USH2A: variants seen among roughly 807,000 people sequenced by gnomAD.
USH2A encodes Usher syndrome 2A (autosomal recessive, mild).
A neutral mutation model predicts 538.9 loss-of-function variants in USH2A; 443 were observed. That is an observed-to-expected ratio of 0.82 (90% CI 0.76 to 0.89). The LOEUF is 0.89. USH2A is among the 40% of genes least tolerant of loss of function. The probability of loss-of-function intolerance (pLI) is 0.00; values close to 1 mark genes in which losing one functional copy is unlikely to be tolerated. For synonymous variants in USH2A, 2,413 were observed against 2,273.5 expected, an observed-to-expected ratio of 1.06 and a Z score of -1.75; for missense variants, 6,633 against 6,324.8, an observed-to-expected ratio of 1.05 and a Z score of -1.65.
chr1:215,813,460 C>T (rs1235891758), intron 49 of USH2A, among the ~76,000 whole-genome samples: 1 of 152,074 alleles, frequency 6.6e-6, no homozygotes, highest in Non-Finnish European at 1.5e-5. Flanking sequence ...TAAAAAAAGC[C>T]ACAAGATAAA....
chr1:216,355,497 A>C (rs1035798106), intron 4 of USH2A, among the ~76,000 whole-genome samples: 1 of 152,210 alleles, frequency 6.6e-6, no homozygotes, highest in African/African-American at 2.4e-5. Context: ...AAGAAGTAAC[A>C]GTAATCAATG....
At chr1:215,677,707 T>G (rs550784789) in intron 62 of USH2A, among the ~76,000 whole-genome samples, 2 of 152,352 alleles carry the variant, frequency 1.3e-5, no homozygotes, top group Non-Finnish European at 2.9e-5. Context: ...TATCAGTCTT[T>G]GCTGGCTCTC....
At chr1:215,951,899 C>T (rs188364465) in intron 37 of USH2A, among the ~76,000 whole-genome samples, 2,899 of 148,048 alleles carry the variant, frequency 0.02, 54 homozygotes, top group South Asian at 0.057. Flanking sequence ...GCTCTGTCGC[C>T]CAGGCTGGAC....
chr1:216,319,803 G>A (rs988612141), intron 9 of USH2A, among the ~76,000 whole-genome samples: 6 of 152,146 alleles, frequency 3.9e-5, no homozygotes, highest in Non-Finnish European at 5.9e-5. Context: ...TTAGATCAGA[G>A]TAAGAATCAG....
At chr1:215,658,058 CG>C (rs1291211675) in intron 64 of USH2A, among the ~76,000 whole-genome samples, 1 of 151,486 alleles carries the variant, frequency 6.6e-6, no homozygotes, top group Non-Finnish European at 1.5e-5. Context: ...CTCAGCCTCC[CG>C]AGTAGCCTGG....
chr1:216,342,294 A>G (rs2038091315), intron 4 of USH2A, among the ~76,000 whole-genome samples: 1 of 152,126 alleles, frequency 6.6e-6, no homozygotes, highest in Non-Finnish European at 1.5e-5. Context: ...ATGAGATACT[A>G]TCTCATTTCA....
intron 55 of USH2A, among the ~76,000 whole-genome samples, chr1:215,776,871 G>A (rs894510201): frequency 8.5e-5 from 13 of 152,182 alleles, no homozygotes; most frequent in African/African-American, 2.6e-4. Context: ...TCAAGTTTCC[G>A]ATTATCTAAT....
intron 49 of USH2A, among the ~76,000 whole-genome samples, chr1:215,801,316 C>T (rs1230331860): frequency 1.3e-5 from 2 of 150,248 alleles, no homozygotes; most frequent in African/African-American, 4.9e-5. Context: ...AAATAAAAGG[C>T]ATCTAAATTG....
chr1:215,637,494 A>G (rs924017199), intron 69 of USH2A, among the ~76,000 whole-genome samples: 3 of 152,248 alleles, frequency 2.0e-5, no homozygotes, highest in Admixed American at 6.5e-5. Context: ...CTAGCAGAGC[A>G]TTCCTGGATA....
At chr1:215,667,945 C>T (rs145066764) in intron 64 of USH2A, among the ~76,000 whole-genome samples, 4 of 152,084 alleles carry the variant, frequency 2.6e-5, no homozygotes, top group African/African-American at 9.6e-5. Context: ...TGGTGGGGAG[C>T]CCCAGCTGAT....
intron 4 of USH2A, among the ~76,000 whole-genome samples, chr1:216,343,136 T>C (rs1048762935): frequency 6.6e-6 from 1 of 152,162 alleles, no homozygotes; most frequent in Admixed American, 6.6e-5. Flanking sequence ...ATAATTGGCA[T>C]AGATGCTTAT....
chr1:216,159,571 C>CACAGAG (rs67390722), intron 21 of USH2A, among the ~76,000 whole-genome samples: 1 of 145,130 alleles, frequency 6.9e-6, no homozygotes, highest in Non-Finnish European at 1.5e-5. Context: ...CACACACACA[C>CACAGAG]AGAGAATATT....
chr1:215,840,412 T>G lies in USH2A; in HGVS notation c.9259-2309A>C, dbSNP rs552988105. On this transcript the variant is annotated intron_variant, in intron 46 of 71. Transcript: ENST00000307340. ...TATATCAAGTACAGTATTCCTGGAC[T>G]GCAAAAAGCTTCACAAAAAATATAG... 2.6e-5 allele frequency among the ~76,000 whole-genome samples: 4 copies of G among 152,252 alleles called. No individual in the cohort carries two copies. In the South Asian group the frequency reaches 8.3e-4, roughly 32 times the overall value.
At chr1:215,869,810 C>T (rs548454756) in intron 43 of USH2A, among the ~76,000 whole-genome samples, 3 of 152,140 alleles carry the variant, frequency 2.0e-5, no homozygotes, top group South Asian at 2.1e-4. Context: ...TATCAGGTGG[C>T]GCTAAAATGG....
intron 38 of USH2A, among the ~76,000 whole-genome samples, chr1:215,902,850 C>T (rs1047518755): frequency 2.0e-5 from 3 of 151,998 alleles, no homozygotes; most frequent in African/African-American, 7.2e-5. Flanking sequence ...GTGGCTAACA[C>T]GGACTAAGGA....
intron 34 of USH2A, among the ~76,000 whole-genome samples, chr1:215,994,236 A>G (rs1373118072): frequency 6.6e-6 from 1 of 152,182 alleles, no homozygotes; most frequent in Non-Finnish European, 1.5e-5. Flanking sequence ...TTTGTGTAAG[A>G]CAGATATTAC....
chr1:215,853,577 C>T (rs1664077452), intron 44 of USH2A, among the ~76,000 whole-genome samples: 1 of 152,158 alleles, frequency 6.6e-6, no homozygotes. Context: ...CATTGTCAGG[C>T]TGCAAATTTT....
chr1:216,300,564 A>T (rs2037194905), intron 9 of USH2A, among the ~76,000 whole-genome samples: 1 of 152,192 alleles, frequency 6.6e-6, no homozygotes, highest in African/African-American at 2.4e-5. Context: ...GACACTGATG[A>T]AATTTATTTT....
intron 9 of USH2A, among the ~76,000 whole-genome samples, chr1:216,304,690 T>C (rs1194793058): frequency 2.0e-5 from 3 of 152,034 alleles, no homozygotes; most frequent in Non-Finnish European, 2.9e-5. Context: ...TGCTGTATCA[T>C]GGAGGTTTTG....
Sources: gnomAD v4.1 joint callset for allele counts (sites outside exome capture counted in the v4.1 genomes callset) on GRCh38, gnomAD v4.1.1 for gene constraint, MANE v1.5 for transcripts, NCBI Gene and HGNC (gene_info 2026-07-23, HGNC 2026-07-21) for gene names.